EMCN: variants seen among roughly 807,000 people sequenced by gnomAD.
The protein encoded by EMCN is endomucin.
In EMCN, 37 loss-of-function variants were observed where a neutral mutation model predicts 38.4. The observed-to-expected ratio is 0.96, with a 90% CI of 0.74 to 1.27. The LOEUF is 1.27. Ranked by LOEUF, EMCN falls within the 50% of genes most tolerant of loss-of-function variation. EMCN has a pLI of 0.00. For missense variants in EMCN, 318 were observed against 302.8 expected, an observed-to-expected ratio of 1.05 and a Z score of -0.37; for synonymous variants, 95 against 100.8, an observed-to-expected ratio of 0.94 and a Z score of 0.35.
At chr4:100,513,558 A>C (rs1489794214) in intron 1 of EMCN, among the ~76,000 whole-genome samples, 1 of 152,190 alleles carries the variant, frequency 6.6e-6, no homozygotes, top group Non-Finnish European at 1.5e-5. Flanking sequence ...GATACCCAAA[A>C]ATAAGTAGAG....
chr4:100,514,882 C>A (rs1729713446), intron 1 of EMCN, among the ~76,000 whole-genome samples: 6 of 152,044 alleles, frequency 3.9e-5, no homozygotes, highest in Admixed American at 3.3e-4. Context: ...CCTCTTAAAG[C>A]CTACAATATA....
intron 8 of EMCN, among the ~76,000 whole-genome samples, chr4:100,420,022 A>G (rs1726845407): frequency 6.6e-6 from 1 of 152,100 alleles, no homozygotes; most frequent in African/African-American, 2.4e-5. Flanking sequence ...ATTGCTTTTT[A>G]CCTTCTAACA....
At chr4:100,459,734 G>A (rs2569890) in intron 4 of EMCN, among the ~76,000 whole-genome samples, 134,413 of 152,240 alleles carry the variant, frequency 0.88, 59,452 homozygotes, top group South Asian at 0.96. Flanking sequence ...AAGTTTATCC[G>A]CGCTTTCGCA....
intron 10 of EMCN, 143 bp from the exon 11 acceptor site, chr4:100,410,498 T>TATTG (rs1338429401): frequency 1.3e-6 from 1 of 749,248 alleles, no homozygotes; most frequent in East Asian, 2.6e-5. Flanking sequence ...TGCCTCTTGG[T>TATTG]ATTGTCTAGA....
chr4:100,496,379 G>C (rs1353940787), intron 1 of EMCN, among the ~76,000 whole-genome samples: 3 of 152,144 alleles, frequency 2.0e-5, no homozygotes, highest in Admixed American at 6.5e-5. Flanking sequence ...AAAAGGAAAT[G>C]CCAAATTTGG....
At chr4:100,503,473 A>G (rs1729402017) in intron 1 of EMCN, among the ~76,000 whole-genome samples, 1 of 152,162 alleles carries the variant, frequency 6.6e-6, no homozygotes, top group Non-Finnish European at 1.5e-5. Context: ...TAGTATCAGC[A>G]GAGGATTACC....
Position 100,396,540 on chromosome 4 carries a change from C to CTTTTTTTTTTTTTTTTTTTTTTTT in EMCN, c.*1872_*1873insAAAAAAAAAAAAAAAAAAAAAAAA, listed in dbSNP as rs71594584. On this transcript the variant is annotated 3_prime_UTR_variant, in exon 12 of 12. Transcript: ENST00000296420. ...GGACTTTCTTTCTTTCTTTTTTTTC[C>CTTTTTTTTTTTTTTTTTTTTTTTT]TTTTTTTTTTTTTTTTTTTTGAGAC... 1.0e-5 allele frequency: 1 copy of CTTTTTTTTTTTTTTTTTTTTTTTT among 99,616 alleles called. No individual in the cohort carries two copies. The highest frequency in any genetic ancestry group is 4.1e-5 in the African/African-American group (1 of 24,536). The allele number at this position is 99,616 out of a possible 1,614,324, so 6.2% of individuals were successfully genotyped here.
intron 5 of EMCN, among the ~76,000 whole-genome samples, chr4:100,432,794 A>G (rs1245607627): frequency 2.0e-5 from 3 of 152,166 alleles, no homozygotes; most frequent in Non-Finnish European, 4.4e-5. Context: ...CCACATAACT[A>G]TAATTATCTT....
In EMCN at chr4:100,397,151, A is replaced by G. The variant is rs1726141898; in HGVS notation, c.*1262T>C. The G allele has an allele frequency of 6.6e-6, 1 of 152,164 alleles. No individual in the cohort carries two copies. Among genetic ancestry groups the G allele is most frequent in the African/African-American group, 2.4e-5 (1 of 41,450 alleles). The allele number at this position is 152,164 out of a possible 1,614,324, so 9.4% of individuals were successfully genotyped here. ...AAGGCTATTTTAAATACAAGATTCC[A>G]TCTTCACTAAACTGCCCCTTAGATC... On this transcript the variant is annotated 3_prime_UTR_variant, in exon 12 of 12. Transcript: ENST00000296420.
intron 5 of EMCN, among the ~76,000 whole-genome samples, chr4:100,445,202 T>C (rs1412960427): frequency 1.3e-5 from 2 of 152,130 alleles, no homozygotes; most frequent in Non-Finnish European, 2.9e-5. Flanking sequence ...TTGTGGGAAG[T>C]GGGAAGAGCA....
chr4:100,446,133 C>T (rs1431304149), intron 5 of EMCN: 1 of 985,176 alleles, frequency 1.0e-6, no homozygotes, highest in Non-Finnish European at 1.2e-6. Context: ...GATAGTCAAT[C>T]TGTGAAGCAG....
chr4:100,409,332 T>C (rs1203096479), intron 11 of EMCN, among the ~76,000 whole-genome samples: 3 of 152,144 alleles, frequency 2.0e-5, no homozygotes, highest in Non-Finnish European at 4.4e-5. Flanking sequence ...CTTGTAACAA[T>C]TAAATTAAAG....
intron 4 of EMCN, among the ~76,000 whole-genome samples, chr4:100,462,985 A>T (rs1222480944): frequency 6.6e-6 from 1 of 152,154 alleles, no homozygotes; most frequent in African/African-American, 2.4e-5. Context: ...AGACTTAGAC[A>T]TTATGAGTCA....
chr4:100,398,541 A>G (rs1380918497), intron 11 of EMCN, among the ~76,000 whole-genome samples, 168 bp from the exon 12 acceptor site: 1 of 152,026 alleles, frequency 6.6e-6, no homozygotes, highest in Non-Finnish European at 1.5e-5. Context: ...AAGCTCTTCA[A>G]ACTTGACATA....
chr4:100,404,921 C>A (rs938646439), intron 11 of EMCN, among the ~76,000 whole-genome samples: 1 of 151,764 alleles, frequency 6.6e-6, no homozygotes, highest in African/African-American at 2.4e-5. Context: ...CATTATAGAG[C>A]TCTTTTGTCT....
intron 5 of EMCN, among the ~76,000 whole-genome samples, chr4:100,433,834 C>A (rs1007609845): frequency 3.3e-5 from 5 of 152,094 alleles, no homozygotes; most frequent in Non-Finnish European, 7.4e-5. Context: ...CTGCACCCAG[C>A]CGAAATCTCC....
At chr4:100,483,047 C>G (rs1345286180) in intron 1 of EMCN, among the ~76,000 whole-genome samples, 1 of 152,070 alleles carries the variant, frequency 6.6e-6, no homozygotes, top group Non-Finnish European at 1.5e-5. Flanking sequence ...TTTAACATCT[C>G]TATTATTAGT....
At chr4:100,486,109 A>G (rs1317424225) in intron 1 of EMCN, among the ~76,000 whole-genome samples, 2 of 152,160 alleles carry the variant, frequency 1.3e-5, no homozygotes, top group Non-Finnish European at 2.9e-5. Flanking sequence ...GCCATATAAA[A>G]ATGGTGTTAT....
intron 4 of EMCN, among the ~76,000 whole-genome samples, chr4:100,455,101 TTC>T (rs993100497): frequency 2.0e-5 from 3 of 152,190 alleles, no homozygotes; most frequent in East Asian, 3.9e-4. Context: ...TTTCCATCTG[TTC>T]TCTGTTTCTT....
Sources: gnomAD v4.1 joint callset for allele counts (sites outside exome capture counted in the v4.1 genomes callset) on GRCh38, gnomAD v4.1.1 for gene constraint, MANE v1.5 for transcripts, NCBI Gene and HGNC (gene_info 2026-07-23, HGNC 2026-07-21) for gene names.